The following SIPA1L1 variants were observed in gnomAD, a reference collection of about 807,000 sequenced individuals.
The protein encoded by SIPA1L1 is signal induced proliferation associated 1 like 1.
In SIPA1L1, 26 loss-of-function variants were observed where a neutral mutation model predicts 162.7. That is an observed-to-expected ratio of 0.16 (90% CI 0.12 to 0.22). The LOEUF is 0.22. Among genes scored for constraint, SIPA1L1 ranks in the 10% least tolerant of loss-of-function variants. SIPA1L1 has a pLI of 1.00. For synonymous variants in SIPA1L1, 829 were observed against 837.4 expected, an observed-to-expected ratio of 0.99 and a Z score of 0.17; for missense variants, 1,874 against 2,241.0, an observed-to-expected ratio of 0.84 and a Z score of 3.31.
At chr14:71,594,273 CAA>C (rs2035771567) in intron 5 of SIPA1L1, among the ~76,000 whole-genome samples, 1 of 152,160 alleles carries the variant, frequency 6.6e-6, no homozygotes, top group African/African-American at 2.4e-5. Flanking sequence ...ATTTTGCTAT[CAA>C]GAGCTGTTTT....
At chr14:71,392,039 T>C (rs1177020404) in intron 2 of SIPA1L1, among the ~76,000 whole-genome samples, 3 of 152,284 alleles carry the variant, frequency 2.0e-5, no homozygotes, top group East Asian at 3.9e-4. Context: ...TCAGCCTATG[T>C]CCATTTAGGT....
chr14:71,465,277 C>T (rs767154803), intron 2 of SIPA1L1, among the ~76,000 whole-genome samples: 8 of 152,172 alleles, frequency 5.3e-5, no homozygotes, highest in Non-Finnish European at 1.2e-4. Flanking sequence ...GTCTGTTTTC[C>T]ACAATTTCAG....
At chr14:71,603,472 C>A (rs957564748) in intron 5 of SIPA1L1, among the ~76,000 whole-genome samples, 4 of 149,408 alleles carry the variant, frequency 2.7e-5, no homozygotes, top group African/African-American at 7.4e-5. Context: ...TTTTTTCTTT[C>A]TTTTGAGACA....
At chr14:71,562,291 C>A (rs924535609) in intron 4 of SIPA1L1, among the ~76,000 whole-genome samples, 2 of 151,586 alleles carry the variant, frequency 1.3e-5, no homozygotes, top group African/African-American at 4.8e-5. Flanking sequence ...AGTAAATTAC[C>A]CAGTCTTTAT....
At position 71,704,810 on chromosome 14, in the gene SIPA1L1, A is replaced by G. The variant is rs1380056466; in HGVS notation, c.3647-412A>G. The G allele has an allele frequency of 2.0e-6, 3 of 1,514,750 alleles. No homozygotes were observed. The East Asian group carries it at 6.8e-5, about 34-fold the overall frequency. The allele number at this position is 1,514,750 out of a possible 1,614,324, so 93.8% of individuals were successfully genotyped here. A position where few individuals can be genotyped will look rare whatever the true frequency, so the allele number is the denominator to read the frequency against. ...TAAAATATTTCCAAAGTGTCATGGT[A>G]AGTAACACGTGATTGCATCCATGCC... On this transcript the variant is annotated intron_variant, in intron 15 of 23. Transcript: ENST00000381232.
At chr14:71,715,111 G>A (rs1000229026) in intron 17 of SIPA1L1, among the ~76,000 whole-genome samples, 56 of 152,170 alleles carry the variant, frequency 3.7e-4, no homozygotes, top group Admixed American at 3.5e-3. Context: ...TGACTATAAC[G>A]TGGTCATTTG....
chr14:71,663,154 ATT>A lies in SIPA1L1; in HGVS notation c.2255+1688_2255+1689del, dbSNP rs2043685061. Among the ~76,000 whole-genome samples the A allele has an allele frequency of 2.0e-5, 3 of 152,212 alleles. No homozygotes were observed. The South Asian group carries it at 6.2e-4, about 32-fold the overall frequency. ...TAAAAAGTGCCAAGATATAGATGAA[ATT>A]AATGTTGACACTGTTTTTGACCAAT... On this transcript the variant is annotated intron_variant, in intron 10 of 23. Coordinates refer to ENST00000381232, the MANE Select transcript of SIPA1L1 (RefSeq NM_001386936.1).
At chr14:71,721,588 C>T (rs868566738) in intron 17 of SIPA1L1, among the ~76,000 whole-genome samples, 2 of 152,192 alleles carry the variant, frequency 1.3e-5, no homozygotes, top group Non-Finnish European at 2.9e-5. Context: ...GTTCTGGAAT[C>T]GAGGGCTTCA....
chr14:71,733,217 T>TA (rs558366370), intron 20 of SIPA1L1, among the ~76,000 whole-genome samples: 420 of 152,034 alleles, frequency 2.8e-3, no homozygotes, highest in South Asian at 0.012. Flanking sequence ...TCTCAAAAAA[T>TA]AAAAAAATAA....
intron 17 of SIPA1L1, among the ~76,000 whole-genome samples, chr14:71,714,488 A>G (rs909841223): frequency 2.0e-5 from 3 of 152,220 alleles, no homozygotes; most frequent in African/African-American, 7.2e-5. Context: ...ATTCTTCGTC[A>G]TATGTAAAGC....
At chr14:71,666,313 A>G (rs1415680259) in intron 10 of SIPA1L1, among the ~76,000 whole-genome samples, 1 of 152,224 alleles carries the variant, frequency 6.6e-6, no homozygotes, top group Non-Finnish European at 1.5e-5. Flanking sequence ...ACAATGCCCC[A>G]TTTCTTCAAC....
intron 13 of SIPA1L1, among the ~76,000 whole-genome samples, chr14:71,687,280 TGAG>T (rs2149594148): frequency 6.6e-6 from 1 of 152,354 alleles, no homozygotes; most frequent in East Asian, 1.9e-4. Context: ...TTCCTTATTT[TGAG>T]GAGGAAAACA....
chr14:71,415,905 C>G (rs570078901), intron 2 of SIPA1L1: 1 of 152,228 alleles, frequency 6.6e-6, no homozygotes, highest in Non-Finnish European at 1.5e-5. Context: ...GCCATGTTGG[C>G]TAGGCTTGTC....
At chr14:71,439,195 A>C (rs796153390) in intron 2 of SIPA1L1, among the ~76,000 whole-genome samples, 11 of 152,304 alleles carry the variant, frequency 7.2e-5, no homozygotes, top group African/African-American at 1.9e-4. Flanking sequence ...CTCAGGCTTC[A>C]TTGAACTCAA....
At chr14:71,571,745 C>CA (rs2032080371) in intron 4 of SIPA1L1, among the ~76,000 whole-genome samples, 1 of 151,864 alleles carries the variant, frequency 6.6e-6, no homozygotes, top group African/African-American at 2.4e-5. Context: ...GGGTTCACAC[C>CA]ATTCTCCTGC....
At chr14:71,661,867 G>T (rs544138853) in intron 10 of SIPA1L1, among the ~76,000 whole-genome samples, 1 of 152,328 alleles carries the variant, frequency 6.6e-6, no homozygotes, top group African/African-American at 2.4e-5. Flanking sequence ...CTAAATCCTT[G>T]CCTCTGACTT....
rs1481909152 is a variant in SIPA1L1 at position 71,589,068 on chromosome 14, G to A, written c.1196G>A (p.Ser399Asn). The A allele has an allele frequency of 4.3e-6, 7 of 1,613,994 alleles. No individual in the cohort carries two copies. Among genetic ancestry groups the A allele is most frequent in the East Asian group, 2.2e-5 (1 of 44,884 alleles). The change falls in exon 5 of 24, where the codon AGC (serine) becomes AAC (asparagine). Residue 399 changes from serine to asparagine, a missense_variant. Physicochemically the swap from Ser to Asn is conservative, Grantham distance 46. This residue lies in a region of SIPA1L1 where 685 missense variants were observed against 828.0 expected (regional missense o/e 0.83). Transcript: ENST00000381232. Reference protein sequence around the residue: ...TEDLNSKGSLSMDQGDDKSNE... With the variant: ...TEDLNSKGSLNMDQGDDKSNE... Reference sequence around the variant, plus strand: ...GACCTGAATTCCAAAGGAAGCCTCAGCATGGACCAGGGAGATGATAAAAGC... The same window carrying A: ...GACCTGAATTCCAAAGGAAGCCTCAACATGGACCAGGGAGATGATAAAAGC...
At chr14:71,735,170 A>C in intron 21 of SIPA1L1, 107 bp from the exon 22 acceptor site, 1 of 733,732 alleles carries the variant, frequency 1.4e-6, no homozygotes, top group South Asian at 1.6e-5. Context: ...TGCATCCTGC[A>C]CTGGAAATAC....
intron 8 of SIPA1L1, among the ~76,000 whole-genome samples, chr14:71,657,373 T>C (rs1160103818): frequency 6.8e-6 from 1 of 147,150 alleles, no homozygotes; most frequent in Non-Finnish European, 1.5e-5. Flanking sequence ...AAAAATTGGG[T>C]TGATAGAGGG....
Sources: gnomAD v4.1 joint callset for allele counts (sites outside exome capture counted in the v4.1 genomes callset) on GRCh38, gnomAD v4.1.1 for gene constraint, gnomAD v4.1.1 regional missense constraint, MANE v1.5 for transcripts, NCBI Gene and HGNC (gene_info 2026-07-23, HGNC 2026-07-21) for gene names.